MAN1A1: variants seen among roughly 807,000 people sequenced by gnomAD.
MAN1A1 encodes mannosidase alpha class 1A member 1.
MAN1A1 carries 29 observed loss-of-function variants against 70.8 expected under a neutral mutation model. That is an observed-to-expected ratio of 0.41 (90% CI 0.31 to 0.56). The LOEUF (loss-of-function observed/expected upper bound fraction) is 0.56, where lower values mean the gene tolerates loss of function less well. MAN1A1 is among the 20% of genes least tolerant of loss of function. The probability of loss-of-function intolerance (pLI) is 0.29; values close to 1 mark genes in which losing one functional copy is unlikely to be tolerated. For missense variants in MAN1A1, 747 were observed against 841.3 expected (o/e 0.89, Z 1.39); for synonymous variants, 349 against 330.1 (o/e 1.06, Z -0.62).
At chr6:119,310,581 G>A (rs1772675374) in intron 2 of MAN1A1, among the ~76,000 whole-genome samples, 1 of 152,128 alleles carries the variant, frequency 6.6e-6, no homozygotes, top group Non-Finnish European at 1.5e-5. Flanking sequence ...TAATGGATGG[G>A]ATGAGTCAAC....
In MAN1A1 at chr6:119,211,869, T is replaced by A. The variant is rs1235050696; in HGVS notation, c.993-6987A>T. Reference sequence around the variant, plus strand: ...ATTTTTTTTTTTTTTTGAGATGGAGTCTCGCTCTGTCACCCAGGCTGGAGT... The same window carrying A: ...ATTTTTTTTTTTTTTTGAGATGGAGACTCGCTCTGTCACCCAGGCTGGAGT... On this transcript the variant is annotated intron_variant, in intron 6 of 12. Transcript: ENST00000368468. Among the ~76,000 whole-genome samples, 8 of 149,688 alleles carry A rather than the reference T, an allele frequency of 5.3e-5. No homozygotes were observed. In the South Asian group the frequency reaches 1.5e-3, roughly 28 times the overall value.
At chr6:119,196,256 T>C (rs1773566403) in intron 8 of MAN1A1, among the ~76,000 whole-genome samples, 1 of 152,106 alleles carries the variant, frequency 6.6e-6, no homozygotes, top group Non-Finnish European at 1.5e-5. Flanking sequence ...AGAATACATT[T>C]GTTTTAATTA....
chr6:119,193,978 A>G, intron 8 of MAN1A1, 86 bp from the exon 9 acceptor site: 1 of 717,862 alleles, frequency 1.4e-6, no homozygotes, highest in Admixed American at 2.3e-5. Flanking sequence ...CTAGGATGCA[A>G]CCCTATGTCA....
At chr6:119,241,830 T>C (rs753269095) in intron 6 of MAN1A1, among the ~76,000 whole-genome samples, 3 of 151,944 alleles carry the variant, frequency 2.0e-5, no homozygotes, top group Non-Finnish European at 4.4e-5. Context: ...TTTTAAAAAA[T>C]GCCAGAATTT....
At chr6:119,216,254 T>G (rs910004322) in intron 6 of MAN1A1, among the ~76,000 whole-genome samples, 39 of 152,232 alleles carry the variant, frequency 2.6e-4, no homozygotes, top group African/African-American at 9.2e-4. Context: ...CTCTGGATAC[T>G]GTGGGAAGAA....
chr6:119,193,648 C>A (rs952033220), intron 9 of MAN1A1, 129 bp downstream of exon 9: 2 of 559,896 alleles, frequency 3.6e-6, no homozygotes, highest in African/African-American at 1.9e-5. Flanking sequence ...TAGCAGATAT[C>A]GAACTCTACC....
At chr6:119,218,873 G>GT (rs140884805) in intron 6 of MAN1A1, among the ~76,000 whole-genome samples, 4,431 of 149,418 alleles carry the variant, frequency 0.03, 92 homozygotes, top group Non-Finnish European at 0.046. Flanking sequence ...ATAATTATCT[G>GT]TTTTTTTTTT....
chr6:119,274,151 A>T (rs534201991), intron 5 of MAN1A1, among the ~76,000 whole-genome samples: 1 of 152,366 alleles, frequency 6.6e-6, no homozygotes, highest in East Asian at 1.9e-4. Context: ...GAGTGTTCTC[A>T]TTTGTGAACA....
At chr6:119,226,230 T>A (rs1351093979) in intron 6 of MAN1A1, among the ~76,000 whole-genome samples, 2 of 152,126 alleles carry the variant, frequency 1.3e-5, no homozygotes, top group Non-Finnish European at 2.9e-5. Context: ...ATAACACACA[T>A]ACACAAAGCA....
At chr6:119,303,483 A>G (rs2114444142) in intron 3 of MAN1A1, among the ~76,000 whole-genome samples, 1 of 152,334 alleles carries the variant, frequency 6.6e-6, no homozygotes, top group South Asian at 2.1e-4. Context: ...TAACCTTGAA[A>G]CAAACTGTAG....
At chr6:119,340,654 T>G (rs571478567) in intron 2 of MAN1A1, among the ~76,000 whole-genome samples, 1 of 152,288 alleles carries the variant, frequency 6.6e-6, no homozygotes, top group Admixed American at 6.5e-5. Context: ...AGGGTAGCAA[T>G]GCTGTGTTAT....
chr6:119,244,015 A>G (rs541730459), intron 6 of MAN1A1, among the ~76,000 whole-genome samples: 29 of 152,200 alleles, frequency 1.9e-4, no homozygotes, highest in African/African-American at 6.7e-4. Flanking sequence ...ATCAAGAAAG[A>G]CAGAAAAATT....
intron 8 of MAN1A1, among the ~76,000 whole-genome samples, chr6:119,199,828 G>A (rs767552630): frequency 1.3e-5 from 2 of 151,968 alleles, no homozygotes; most frequent in Non-Finnish European, 2.9e-5. Flanking sequence ...GAGGTGGGAA[G>A]ATAGCTTGAG....
At chr6:119,246,381 C>T (rs1424876039) in intron 6 of MAN1A1, among the ~76,000 whole-genome samples, 1 of 152,094 alleles carries the variant, frequency 6.6e-6, no homozygotes, top group East Asian at 1.9e-4. Flanking sequence ...GTGTAAAAAT[C>T]CATGTAGTCA....
At chr6:119,257,703 T>G (rs1247131301) in intron 5 of MAN1A1, among the ~76,000 whole-genome samples, 2 of 151,952 alleles carry the variant, frequency 1.3e-5, no homozygotes, top group Admixed American at 6.6e-5. Context: ...AATATGGAAG[T>G]TAAAAAAGGG....
intron 6 of MAN1A1, among the ~76,000 whole-genome samples, chr6:119,241,455 T>C (rs936862332): frequency 6.6e-6 from 1 of 152,126 alleles, no homozygotes; most frequent in East Asian, 1.9e-4. Context: ...GCAGCAGCAG[T>C]AGCTTCCCCA....
In MAN1A1 at chr6:119,230,223, C is replaced by T. The variant is rs563775255; in HGVS notation, c.992+18037G>A. 6.8e-4 allele frequency among the ~76,000 whole-genome samples: 104 copies of T among 152,310 alleles called. 1 individual carries two copies. Among genetic ancestry groups the T allele is most frequent in the African/African-American group, 2.4e-3 (99 of 41,574 alleles). On this transcript the variant is annotated intron_variant, in intron 6 of 12. Coordinates refer to ENST00000368468, the MANE Select transcript of MAN1A1 (RefSeq NM_005907.4). Reference sequence around the variant, plus strand: ...AGAGGTAAAACATGACAATCTAAAACGATCGCTCCTGATAGCTGGCATGAT... The same window carrying T: ...AGAGGTAAAACATGACAATCTAAAATGATCGCTCCTGATAGCTGGCATGAT...
At chr6:119,263,409 C>T (rs1775665089) in intron 5 of MAN1A1, among the ~76,000 whole-genome samples, 1 of 151,962 alleles carries the variant, frequency 6.6e-6, no homozygotes, top group Non-Finnish European at 1.5e-5. Flanking sequence ...GAATAGAAAA[C>T]CAAACACCGC....
At chr6:119,243,276 T>A (rs1434437306) in intron 6 of MAN1A1, among the ~76,000 whole-genome samples, 1 of 152,060 alleles carries the variant, frequency 6.6e-6, no homozygotes, top group Non-Finnish European at 1.5e-5. Context: ...TATTTTCATA[T>A]TATTTCTATT....
Sources: allele counts gnomAD v4.1 joint callset (sites outside exome capture counted in the v4.1 genomes callset), GRCh38; gene constraint gnomAD v4.1.1; transcripts MANE v1.5; gene names NCBI Gene and HGNC (gene_info 2026-07-23, HGNC 2026-07-21).